Variants in CACNA1C observed in about 807,000 individuals in gnomAD.
CACNA1C encodes the protein calcium voltage-gated channel subunit alpha1 C, also known as voltage-dependent L-type calcium channel subunit alpha-1C.
A neutral mutation model predicts 229.0 loss-of-function variants in CACNA1C; 30 were observed. The observed-to-expected ratio is 0.13, with a 90% CI of 0.10 to 0.18. The LOEUF is 0.18. Ranked by LOEUF, CACNA1C falls within the 10% of genes least tolerant of loss-of-function variation. The pLI, the probability that CACNA1C is intolerant of heterozygous loss-of-function variation, is 1.00. For synonymous variants in CACNA1C, 1,114 were observed against 1,132.5 expected, an observed-to-expected ratio of 0.98 and a Z score of 0.33; for missense variants, 1,658 against 2,845.0, an observed-to-expected ratio of 0.58 and a Z score of 9.49.
rs775784507 is a variant in CACNA1C at position 2,633,751 on chromosome 12, TCCTCCTCCTCTG to T, written c.3829-541_3829-530del. ...TGCCCTCCCCAGGAAACCTCCTCAT[TCCTCCTCCTCTG>T]CCTCGTCTATTTCTCTCTCTCTCAC... On this transcript the variant is annotated intron_variant, in intron 29 of 46. Coordinates refer to ENST00000399655, the MANE Select transcript of CACNA1C (RefSeq NM_000719.7). This position sits in a 1 kb window ranked among gnomAD's most constrained non-coding sequence, Gnocchi z 5.8. 9.7e-7 allele frequency: 1 copy of T among 1,033,614 alleles called. No individual in the cohort carries two copies. The highest frequency in any genetic ancestry group is 1.5e-6 in the Non-Finnish European group (1 of 652,228). 64.0% of individuals were successfully genotyped at this position (1,033,614 alleles called of 1,614,324 possible). A position where few individuals can be genotyped will look rare whatever the true frequency, so the allele number is the denominator to read the frequency against.
chr12:1,993,345 T>G (rs761516067), intron 1 of CACNA1C: 2 of 1,614,104 alleles, frequency 1.2e-6, no homozygotes, highest in Middle Eastern at 1.6e-4. Context: ...CTATTTTCCA[T>G]GCTCAGCCTA....
intron 3 of CACNA1C, among the ~76,000 whole-genome samples, chr12:2,300,940 C>T (rs991311631): frequency 3.3e-5 from 5 of 152,266 alleles, no homozygotes; most frequent in East Asian, 1.9e-4. Context: ...ATGGGGATGA[C>T]GAGCAGCTGC....
At chr12:2,561,153 T>A (rs1283402423) in intron 11 of CACNA1C, among the ~76,000 whole-genome samples, 1 of 152,204 alleles carries the variant, frequency 6.6e-6, no homozygotes, top group African/African-American at 2.4e-5. Flanking sequence ...CTGAGTCCCA[T>A]GGGTCTGTAA....
intron 3 of CACNA1C, among the ~76,000 whole-genome samples, chr12:2,385,492 G>A (rs117089958): frequency 0.016 from 2,381 of 152,058 alleles, 33 homozygotes; most frequent in Middle Eastern, 0.031. Context: ...TACACCCAAG[G>A]GCAGCTAGGA....
rs1181040032 is a variant in CACNA1C at position 2,097,354 on chromosome 12, G to T, written c.50-17870G>T. On this transcript the variant is annotated intron_variant, in intron 1 of 46. Coordinates refer to ENST00000399655, the MANE Select transcript of CACNA1C (RefSeq NM_000719.7). ...GTAGAGACGGGGTTTCACCATGTTA[G>T]CCAGGATAGTCTCGATCTCCTGACC... Among the ~76,000 whole-genome samples the T allele has an allele frequency of 7.9e-5, 12 of 151,934 alleles. 1 individual carries two copies. The highest frequency in any genetic ancestry group is 1.5e-5 in the Non-Finnish European group (1 of 67,960).
intron 3 of CACNA1C, among the ~76,000 whole-genome samples, chr12:2,388,600 C>T (rs78037747): frequency 1.3e-5 from 2 of 151,830 alleles, no homozygotes; most frequent in Non-Finnish European, 2.9e-5. Context: ...GTTTGCAGTG[C>T]CTATGACGTA....
intron 1 of CACNA1C, among the ~76,000 whole-genome samples, chr12:2,104,197 T>C (rs758793948): frequency 6.6e-6 from 1 of 152,256 alleles, no homozygotes; most frequent in Non-Finnish European, 1.5e-5. Context: ...TGATTCTTCC[T>C]ATCTATGAGC....
At chr12:2,140,957 A>C (rs967313021) in intron 3 of CACNA1C, among the ~76,000 whole-genome samples, 1 of 151,238 alleles carries the variant, frequency 6.6e-6, no homozygotes, top group Admixed American at 6.6e-5. Context: ...GGAGAGTTCC[A>C]GGGTAAGGGC....
intron 10 of CACNA1C, among the ~76,000 whole-genome samples, chr12:2,555,706 T>C (rs1450659180): frequency 1.3e-5 from 2 of 152,218 alleles, no homozygotes; most frequent in Non-Finnish European, 2.9e-5. Context: ...TAGCTAACCG[T>C]TCGGAGCAGT....
chr12:2,582,749 G>T, intron 14 of CACNA1C, 73 bp from the exon 15 acceptor site: 2 of 1,547,224 alleles, frequency 1.3e-6, no homozygotes, highest in Non-Finnish European at 1.8e-6. Flanking sequence ...ACGTAGTGGG[G>T]CAGGGCAGGG....
At chr12:2,240,351 G>A (rs977849733) in intron 3 of CACNA1C, among the ~76,000 whole-genome samples, 1 of 152,212 alleles carries the variant, frequency 6.6e-6, no homozygotes, top group African/African-American at 2.4e-5. Flanking sequence ...TGAAATCAGT[G>A]ATATTGAACA....
intron 1 of CACNA1C, among the ~76,000 whole-genome samples, chr12:1,989,588 C>G (rs2038817922): frequency 6.6e-6 from 1 of 152,138 alleles, no homozygotes; most frequent in Non-Finnish European, 1.5e-5. Flanking sequence ...GTGCCATACA[C>G]CTATAATCCC....
chr12:1,979,337 C>T (rs764877855), intron 1 of CACNA1C, among the ~76,000 whole-genome samples: 32 of 151,714 alleles, frequency 2.1e-4, no homozygotes, highest in African/African-American at 7.0e-4. Flanking sequence ...GTCTTTGAGA[C>T]GGAGTCTGGC....
intron 21 of CACNA1C, among the ~76,000 whole-genome samples, chr12:2,598,692 G>A (rs535179447): frequency 6.6e-6 from 1 of 152,314 alleles, no homozygotes; most frequent in South Asian, 2.1e-4. Context: ...CTTCCCTGAT[G>A]AGACTCCCTC....
chr12:2,351,110 A>G (rs979859230), intron 3 of CACNA1C, among the ~76,000 whole-genome samples: 37 of 152,164 alleles, frequency 2.4e-4, no homozygotes, highest in African/African-American at 8.4e-4. Context: ...CCTTGGCCCT[A>G]TTGACATTTG....
intron 3 of CACNA1C, among the ~76,000 whole-genome samples, chr12:2,419,238 A>G (rs34621387): frequency 0.42 from 64,351 of 151,998 alleles, 13,818 homozygotes; most frequent in Non-Finnish European, 0.44. Flanking sequence ...TCAGCTTCTG[A>G]TGAGGCCTCA....
At chr12:2,037,384 T>C (rs1298536830) in intron 1 of CACNA1C, among the ~76,000 whole-genome samples, 2 of 152,232 alleles carry the variant, frequency 1.3e-5, no homozygotes, top group Non-Finnish European at 2.9e-5. Flanking sequence ...AACACTGCAT[T>C]GGGCTCACTG....
At chr12:2,062,397 G>A (rs1046693905) in intron 1 of CACNA1C, among the ~76,000 whole-genome samples, 1 of 152,210 alleles carries the variant, frequency 6.6e-6, no homozygotes, top group African/African-American at 2.4e-5. Flanking sequence ...GACAGTGTTG[G>A]GGCTGGGAAT....
At chr12:2,118,315 C>T (rs1198887039) in intron 2 of CACNA1C, among the ~76,000 whole-genome samples, 4 of 152,102 alleles carry the variant, frequency 2.6e-5, no homozygotes, top group Non-Finnish European at 5.9e-5. Context: ...AGAGCACAGG[C>T]ACCAGCTGAT....
Sources: allele counts gnomAD v4.1 joint callset (sites outside exome capture counted in the v4.1 genomes callset), GRCh38; gene constraint gnomAD v4.1.1; non-coding constraint Gnocchi (gnomAD v3.1); transcripts MANE v1.5; gene names NCBI Gene and HGNC (gene_info 2026-07-23, HGNC 2026-07-21).